Variants in CCDC171 observed in about 807,000 individuals in gnomAD.
The protein encoded by CCDC171 is coiled-coil domain-containing protein 171.
CCDC171 carries 177 observed loss-of-function variants against 168.2 expected under a neutral mutation model. The observed-to-expected ratio is 1.05, with a 90% CI of 0.93 to 1.19. CCDC171 has a LOEUF of 1.19. CCDC171 is among the 50% of genes most tolerant of loss of function. The pLI, the probability that CCDC171 is intolerant of heterozygous loss-of-function variation, is 0.00. For synonymous variants in CCDC171, 687 were observed against 540.8 expected, an observed-to-expected ratio of 1.27 and a Z score of -3.75; for missense variants, 1,991 against 1,539.0, an observed-to-expected ratio of 1.29 and a Z score of -4.91.
chr9:15,676,023 T>C (rs928298470), intron 9 of CCDC171, among the ~76,000 whole-genome samples: 1 of 152,110 alleles, frequency 6.6e-6, no homozygotes, highest in Non-Finnish European at 1.5e-5. Flanking sequence ...CAAATGCAGG[T>C]TTGGTCTTTT....
chr9:15,609,593 C>T (rs1230861456), intron 6 of CCDC171, among the ~76,000 whole-genome samples: 1 of 152,168 alleles, frequency 6.6e-6, no homozygotes, highest in African/African-American at 2.4e-5. Context: ...TGTTCTTTTA[C>T]CGCATATTGA....
chr9:15,752,668 C>T (rs924712418), intron 18 of CCDC171, among the ~76,000 whole-genome samples: 1 of 152,138 alleles, frequency 6.6e-6, no homozygotes, highest in African/African-American at 2.4e-5. Flanking sequence ...CGCATGTTCT[C>T]ACTCATAAGT....
chr9:15,602,636 TTTTTTTTTTTC>T (rs2042940391), intron 6 of CCDC171, among the ~76,000 whole-genome samples: 1 of 35,308 alleles, frequency 2.8e-5, no homozygotes, highest in African/African-American at 1.1e-4. Flanking sequence ...TCATTTCTTT[TTTTTTTTTTTC>T]TTTTTTTTTT....
At chr9:16,075,585 A>T in the CCDC171 span, among the ~76,000 whole-genome samples, 1 of 152,142 alleles carries the variant, frequency 6.6e-6, no homozygotes, top group Middle Eastern at 3.2e-3. Context: ...CTAACAAAGG[A>T]ACTCAAATCC....
chr9:15,860,446 TG>T (rs1276146592), intron 23 of CCDC171, among the ~76,000 whole-genome samples: 1 of 151,964 alleles, frequency 6.6e-6, no homozygotes, highest in Non-Finnish European at 1.5e-5. Flanking sequence ...TCTTAAGTTT[TG>T]ATATGTTGTA....
At chr9:15,588,531 C>A in intron 4 of CCDC171, 1 of 348,234 alleles carries the variant, frequency 2.9e-6, no homozygotes, top group Middle Eastern at 9.6e-4. Flanking sequence ...CTGATGCTTA[C>A]AAGGAGGGGA....
chr9:15,838,355 A>G (rs748166290), intron 21 of CCDC171, among the ~76,000 whole-genome samples: 5 of 152,202 alleles, frequency 3.3e-5, no homozygotes, highest in South Asian at 4.1e-4. Flanking sequence ...TAAATGAGCT[A>G]TGATGATATA....
At chr9:15,862,588 C>G (rs1327970959) in intron 23 of CCDC171, among the ~76,000 whole-genome samples, 1 of 150,780 alleles carries the variant, frequency 6.6e-6, no homozygotes, top group Admixed American at 6.6e-5. Flanking sequence ...TCTGTTTTTT[C>G]ATTTTCCTTG....
At position 15,803,403 on chromosome 9, in the gene CCDC171, T is replaced by C. The variant is rs535777107; in HGVS notation, c.3267+18709T>C. Among the ~76,000 whole-genome samples, 9 of 152,170 alleles carry C rather than the reference T, an allele frequency of 5.9e-5. No homozygotes were observed. The South Asian group carries it at 1.0e-3, about 18-fold the overall frequency. On this transcript the variant is annotated intron_variant, in intron 21 of 25. Transcript: ENST00000380701. ...TTTTTTTGTAGTTTTGTGTTTTATA[T>C]TGAAGTCTTTAATCCATCTTGAGTT... is the stretch of plus-strand genomic sequence containing the variant.
rs552449835 is a variant in CCDC171, at chr9:15,854,167, A to G, written c.3468+5220A>G. On this transcript the variant is annotated intron_variant, in intron 23 of 25. Coordinates refer to ENST00000380701, the MANE Select transcript of CCDC171 (RefSeq NM_173550.4). ...CTCTTCATTTTTTTTCAAGAATTTG[A>G]GAGAGATTAGTGTTAATTCTTTAAA... Among the ~76,000 whole-genome samples, 7 of 151,492 alleles carry G rather than the reference A, an allele frequency of 4.6e-5. No homozygotes were observed. The South Asian group carries it at 6.2e-4, about 13-fold the overall frequency.
chr9:15,832,092 C>G (rs2060257392), intron 21 of CCDC171, among the ~76,000 whole-genome samples: 2 of 152,128 alleles, frequency 1.3e-5, no homozygotes, highest in African/African-American at 2.4e-5. Context: ...ACTCAATCAA[C>G]TTTTCCCATG....
At chr9:15,633,290 A>G (rs1364651291) in intron 7 of CCDC171, among the ~76,000 whole-genome samples, 3 of 152,228 alleles carry the variant, frequency 2.0e-5, no homozygotes, top group African/African-American at 7.2e-5. Context: ...AAGGGCTAAT[A>G]TCCAGAATCT....
intron 25 of CCDC171, among the ~76,000 whole-genome samples, chr9:15,932,011 G>A (rs1317534735): frequency 2.0e-5 from 3 of 151,920 alleles, no homozygotes; most frequent in Non-Finnish European, 4.4e-5. Context: ...TAGCTTTGCA[G>A]TATATTTTGA....
chr9:15,691,326 A>G (rs1274787989), intron 10 of CCDC171, among the ~76,000 whole-genome samples: 1 of 151,788 alleles, frequency 6.6e-6, no homozygotes, highest in African/African-American at 2.4e-5. Flanking sequence ...AGAAAGTAAT[A>G]TAATAGTATG....
At chr9:15,582,328 G>C (rs998407678) in intron 4 of CCDC171, among the ~76,000 whole-genome samples, 62 of 152,196 alleles carry the variant, frequency 4.1e-4, no homozygotes, top group African/African-American at 1.4e-3. Flanking sequence ...TTACACTGTT[G>C]GTGGGAGTGT....
intron 4 of CCDC171, chr9:15,588,287 G>A (rs1312028613): frequency 2.0e-5 from 4 of 198,334 alleles, no homozygotes; most frequent in Non-Finnish European, 4.3e-5. Flanking sequence ...AAGGACCCCC[G>A]GACTGACCAA....
chr9:15,579,333 T>C (rs2040930589), intron 4 of CCDC171, among the ~76,000 whole-genome samples: 1 of 152,230 alleles, frequency 6.6e-6, no homozygotes, highest in Admixed American at 6.5e-5. Context: ...TTTTTGTTTG[T>C]CTTAAACATA....
At chr9:15,841,431 A>G (rs1406084563) in intron 21 of CCDC171, among the ~76,000 whole-genome samples, 9 of 151,980 alleles carry the variant, frequency 5.9e-5, no homozygotes, top group African/African-American at 2.2e-4. Context: ...AGGATACCTT[A>G]ACATCTGTTG....
the CCDC171 span, among the ~76,000 whole-genome samples, chr9:16,087,795 T>G: frequency 6.6e-6 from 1 of 152,170 alleles, no homozygotes; most frequent in African/African-American, 2.4e-5. Context: ...ATTATGATGC[T>G]AGCTGGTTAT....
Sources: gnomAD v4.1 joint callset for allele counts (sites outside exome capture counted in the v4.1 genomes callset) on GRCh38, gnomAD v4.1.1 for gene constraint, MANE v1.5 for transcripts, NCBI Gene and HGNC (gene_info 2026-07-23, HGNC 2026-07-21) for gene names.